The following OR2L13 variants were observed in gnomAD, a reference collection of about 807,000 sequenced individuals.
OR2L13 encodes olfactory receptor family 2 subfamily L member 13.
Under a neutral mutation model 15.3 loss-of-function variants are expected in OR2L13, and 14 were observed. That is an observed-to-expected ratio of 0.91 (90% confidence interval 0.60 to 1.43). The LOEUF is 1.43. Ranked by LOEUF, OR2L13 falls within the 40% of genes most tolerant of loss-of-function variation. The pLI is 0.00. For synonymous variants in OR2L13, 152 were observed against 142.9 expected (o/e 1.06, Z -0.45); for missense variants, 367 against 387.9 (o/e 0.95, Z 0.45).
chr1:248,050,074 A>G, the OR2L13 span, among the ~76,000 whole-genome samples: 1 of 152,176 alleles, frequency 6.6e-6, no homozygotes, highest in Non-Finnish European at 1.5e-5. Context: ...GTGACGTTCC[A>G]GGTGCCAATG....
chr1:248,038,354 C>T, the OR2L13 span: 1 of 1,613,468 alleles, frequency 6.2e-7, no homozygotes, highest in East Asian at 2.2e-5. Context: ...TATTCACCCT[C>T]ATTTTTCTCA....
chr1:248,011,727 C>G, the OR2L13 span, among the ~76,000 whole-genome samples: 1 of 152,096 alleles, frequency 6.6e-6, no homozygotes, highest in Non-Finnish European at 1.5e-5. Flanking sequence ...GCTATCAAGA[C>G]TTATTCAACC....
At chr1:247,995,710 C>A in the OR2L13 span, among the ~76,000 whole-genome samples, 1 of 152,046 alleles carries the variant, frequency 6.6e-6, no homozygotes, top group African/African-American at 2.4e-5. Context: ...TTTATAATTC[C>A]TCTAGCATTT....
the OR2L13 span, among the ~76,000 whole-genome samples, chr1:247,988,807 T>A: frequency 0.039 from 5,913 of 152,232 alleles, 356 homozygotes; most frequent in African/African-American, 0.13. Context: ...TAAGTGAATG[T>A]TCATTTCTCC....
chr1:248,038,903 T>C, the OR2L13 span: 16 of 1,614,046 alleles, frequency 9.9e-6, no homozygotes, highest in South Asian at 1.5e-4. Flanking sequence ...CTTTCACTGG[T>C]ATTGCATGTT....
the OR2L13 span, chr1:247,990,694 A>G: frequency 6.5e-7 from 1 of 1,536,526 alleles, no homozygotes; most frequent in Non-Finnish European, 9.0e-7. Flanking sequence ...GTGTGCACTG[A>G]TGATAACAGG....
chr1:248,081,334 T>C, the OR2L13 span, among the ~76,000 whole-genome samples: 7 of 152,188 alleles, frequency 4.6e-5, no homozygotes, highest in Middle Eastern at 3.2e-3. Flanking sequence ...TATAGGTATT[T>C]TGTGCATTTT....
At chr1:247,966,391 T>G in the OR2L13 span, 20 of 1,508,782 alleles carry the variant, frequency 1.3e-5, no homozygotes, top group Non-Finnish European at 1.8e-5. Flanking sequence ...TGGAAAGATA[T>G]AAATATGTGT....
At chr1:247,989,499 C>T in the OR2L13 span, among the ~76,000 whole-genome samples, 1 of 152,164 alleles carries the variant, frequency 6.6e-6, no homozygotes, top group Middle Eastern at 3.4e-3. Context: ...ACATTTGTAT[C>T]CTACTGAAGT....
upstream of OR2L13, among the ~76,000 whole-genome samples, chr1:248,091,868 T>C (rs140051455): frequency 1.4e-3 from 210 of 152,332 alleles, 1 homozygote; most frequent in African/African-American, 4.9e-3. Flanking sequence ...ATTGAATCTG[T>C]AAATTGCTTT....
the OR2L13 span, among the ~76,000 whole-genome samples, chr1:247,959,763 G>A: frequency 5.9e-5 from 9 of 152,172 alleles, no homozygotes; most frequent in Admixed American, 6.6e-5. Flanking sequence ...CATTCGTCAC[G>A]TAGTTCTTGT....
chr1:248,061,393 C>T, the OR2L13 span: 30 of 1,613,958 alleles, frequency 1.9e-5, no homozygotes, highest in African/African-American at 1.7e-4. Flanking sequence ...GAAAGCCTAC[C>T]TGACCTGCAG....
At chr1:248,005,961 A>G in the OR2L13 span, among the ~76,000 whole-genome samples, 1 of 152,198 alleles carries the variant, frequency 6.6e-6, no homozygotes, top group Non-Finnish European at 1.5e-5. Context: ...TTTACTAACA[A>G]AGTTTACTGC....
the OR2L13 span, among the ~76,000 whole-genome samples, chr1:248,026,293 T>C: frequency 6.6e-6 from 1 of 152,226 alleles, no homozygotes. Flanking sequence ...AGTCCACTTA[T>C]GTGTGGATTT....
chr1:248,061,557 G>A, the OR2L13 span: 2 of 1,613,642 alleles, frequency 1.2e-6, no homozygotes, highest in African/African-American at 1.3e-5. Flanking sequence ...ATAGCCTGAG[G>A]AACAAGGAGG....
the OR2L13 span, chr1:248,038,244 C>T: frequency 6.6e-7 from 1 of 1,510,584 alleles, no homozygotes; most frequent in Non-Finnish European, 9.1e-7. Flanking sequence ...TGTCTCCCTT[C>T]AGGATGGATT....
At chr1:248,099,384 A>G (rs1664797678) in exon 3 of OR2L13, 1 of 1,603,430 alleles carries the variant, frequency 6.2e-7, no homozygotes. Flanking sequence ...TCATGGAGAA[A>G]TGGAATCACA....
the OR2L13 span, chr1:248,046,733 C>T: frequency 2.6e-5 from 4 of 152,106 alleles, no homozygotes; most frequent in Non-Finnish European, 5.9e-5. Flanking sequence ...ACCGAATCCC[C>T]ATGGAGGTCT....
chr1:248,060,008 C>T, the OR2L13 span, among the ~76,000 whole-genome samples: 1 of 151,320 alleles, frequency 6.6e-6, no homozygotes, highest in African/African-American at 2.4e-5. Flanking sequence ...CACTTCACTC[C>T]CACCTGGGTA....
Sources: allele counts gnomAD v4.1 joint callset (sites outside exome capture counted in the v4.1 genomes callset), GRCh38; gene constraint gnomAD v4.1.1; transcripts MANE v1.5; gene names NCBI Gene and HGNC (gene_info 2026-07-23, HGNC 2026-07-21).